Variants in ACRV1 observed in about 807,000 individuals in gnomAD.
ACRV1 encodes the protein acrosomal vesicle protein 1.
ACRV1 carries 17 observed loss-of-function variants against 29.2 expected under a neutral mutation model. That is an observed-to-expected ratio of 0.58 (90% CI 0.40 to 0.87). The LOEUF (loss-of-function observed/expected upper bound fraction) is 0.87, where lower values mean the gene tolerates loss of function less well. Ranked by LOEUF, ACRV1 falls within the 40% of genes least tolerant of loss-of-function variation. The pLI is 0.00. For missense variants in ACRV1, 294 were observed against 316.0 expected (o/e 0.93, Z 0.53); for synonymous variants, 98 against 111.6 (o/e 0.88, Z 0.77).
chr11:125,680,316 G>T (rs61214748), intron 1 of ACRV1, among the ~76,000 whole-genome samples: 11,864 of 152,168 alleles, frequency 0.078, 715 homozygotes, highest in African/African-American at 0.17. Context: ...TAGCTCTGTC[G>T]TGTTCTGAGG....
At position 125,678,161 on chromosome 11, in the gene ACRV1, G is replaced by A. The variant is rs775377936; in HGVS notation, c.189C>T (p.Asn63=). 1.1e-5 allele frequency: 17 copies of A among 1,614,086 alleles called. No homozygotes were observed. Among genetic ancestry groups the A allele is most frequent in the Non-Finnish European group, 1.3e-5 (15 of 1,180,044 alleles). Residue 63 remains asparagine, a synonymous_variant, in exon 2 of 4, where the codon AAC becomes AAT. Coordinates refer to ENST00000533904, the MANE Select transcript of ACRV1 (RefSeq NM_001612.6). ...EALYETSSGL[N]TLSEHGSSEH... is the part of the protein sequence containing the mutation. ...CACTGGAACCATGCTCACTTAAAGT[G>A]TTCAGGCCTGAAGAAGTCTCATATA...
At chr11:125,676,517 G>A in intron 2 of ACRV1, 39 bp from the exon 3 acceptor site, 1 of 1,612,634 alleles carries the variant, frequency 6.2e-7, no homozygotes, top group Non-Finnish European at 8.5e-7. Flanking sequence ...TTTCCTTGTG[G>A]ACCAGATGTG....
rs1555078665 is a variant in ACRV1, at chr11:125,678,978, T to TTATTTATATATATATATATATATA, written c.53-682_53-681insTATATATATATATATATATAAATA. On this transcript the variant is annotated intron_variant, in intron 1 of 3. Coordinates refer to ENST00000533904, the MANE Select transcript of ACRV1 (RefSeq NM_001612.6). The stretch of plus-strand genomic sequence containing the variant: ...GTAAAAAAAAAAAAGTCTAGGCATA[T>TTATTTATATATATATATATATATA]TATATATATATATATATATAGACAC... Among the ~76,000 whole-genome samples, 149 of 88,384 alleles carry TTATTTATATATATATATATATATA rather than the reference T, an allele frequency of 1.7e-3. 3 individuals are homozygous for TTATTTATATATATATATATATATA. The highest frequency in any genetic ancestry group is 1.8e-3 in the Non-Finnish European group (81 of 44,760). 58.0% of individuals were successfully genotyped at this position (88,384 alleles called of 152,430 possible).
rs1333597593 is a variant in ACRV1, at chr11:125,672,683, C to T, written c.708G>A (p.Glu236=). ...AGAGGTTCATAGATGGGCACATGTT[C>T]TCACACCCTTGAACCATGAATTGGA... ...GKLQFMVQGC[E]NMCPSMNLFS... is the part of the protein sequence containing the mutation. Residue 236 remains glutamate, a synonymous_variant, in exon 4 of 4, where the codon GAG becomes GAA. Transcript: ENST00000533904. The T allele has an allele frequency of 3.7e-6, 6 of 1,614,062 alleles. No individual in the cohort carries two copies. In the African/African-American group the frequency reaches 4.0e-5, roughly 11 times the overall value.
rs775377936 is a variant in ACRV1 at position 125,678,161 on chromosome 11, G to T, written c.189C>A (p.Asn63Lys). 1.2e-6 allele frequency: 2 copies of T among 1,614,086 alleles called. No individual in the cohort carries two copies. Among genetic ancestry groups the T allele is most frequent in the African/African-American group, 2.7e-5 (2 of 74,938 alleles). Residue 63 changes from asparagine to lysine, a missense_variant, in exon 2 of 4, where the codon AAC (asparagine) becomes AAA (lysine). Physicochemically the swap from Asn to Lys is moderately conservative, Grantham distance 94. Coordinates refer to ENST00000533904, the MANE Select transcript of ACRV1 (RefSeq NM_001612.6). ...EALYETSSGL[N>K]TLSEHGSSEH... ...CACTGGAACCATGCTCACTTAAAGT[G>T]TTCAGGCCTGAAGAAGTCTCATATA...
chr11:125,672,472 G>T lies in ACRV1; in HGVS notation c.*121C>A. ...AGATAGGATGTTTGAGCATCCTAATGCTCAGGCAGAGGCAGATGTGGTCAG... is the reference window on the plus strand; with the variant it reads ...AGATAGGATGTTTGAGCATCCTAATTCTCAGGCAGAGGCAGATGTGGTCAG... On this transcript the variant is annotated 3_prime_UTR_variant, in exon 4 of 4. Transcript: ENST00000533904. 8.5e-7 allele frequency: 1 copy of T among 1,179,310 alleles called. No homozygotes were observed. The highest frequency in any genetic ancestry group is 1.2e-6 in the Non-Finnish European group (1 of 833,328). 73.1% of individuals were successfully genotyped at this position (1,179,310 alleles called of 1,614,324 possible).
chr11:125,677,822 A>G lies in ACRV1; in HGVS notation c.528T>C (p.Gly176=). The change falls in exon 2 of 4, where the codon GGT becomes GGC. Residue 176 remains glycine (G), a synonymous_variant. Transcript: ENST00000533904. ...CTGTAGATGTGCTTGAAATTGGTGC[A>G]CCTGAAGCCTGTTCCCCTGAAGCGT... ...GEHASGEQAS[G]APISSTSTGT... is the part of the protein sequence containing the mutation. 1 of 1,614,132 alleles carries G rather than the reference A, an allele frequency of 6.2e-7. No homozygotes were observed. The highest frequency in any genetic ancestry group is 8.5e-7 in the Non-Finnish European group (1 of 1,179,996).
intron 2 of ACRV1, among the ~76,000 whole-genome samples, chr11:125,677,570 ATT>A (rs1363584786): frequency 1.3e-5 from 2 of 151,948 alleles, no homozygotes; most frequent in African/African-American, 4.8e-5. Flanking sequence ...GGCATTTTGT[ATT>A]TGTTTTATTT....
At chr11:125,679,334 C>T (rs915809428) in intron 1 of ACRV1, among the ~76,000 whole-genome samples, 2 of 150,700 alleles carry the variant, frequency 1.3e-5, no homozygotes, top group African/African-American at 4.9e-5. Flanking sequence ...CCTCCTGCCT[C>T]TGCCTCCCGA....
chr11:125,678,392 C>G (rs1025241921), intron 1 of ACRV1, 95 bp from the exon 2 acceptor site: 27 of 1,439,120 alleles, frequency 1.9e-5, no homozygotes, highest in Non-Finnish European at 2.5e-5. Flanking sequence ...TATGAGACTC[C>G]TAGGTTTCCT....
Position 125,678,282 on chromosome 11 carries a change from G to C in ACRV1, c.68C>G (p.Pro23Arg). 6.2e-7 allele frequency: 1 copy of C among 1,613,878 alleles called. No homozygotes were observed. Among genetic ancestry groups the C allele is most frequent in the Middle Eastern group, 1.6e-4 (1 of 6,062 alleles). Residue 23 changes from proline to arginine, a missense_variant, in exon 2 of 4, where the codon CCT becomes CGT. By Grantham distance (103) the Pro-to-Arg change is moderately radical (BLOSUM62 -2). Transcript: ENST00000533904. ...LGSARGTSSQ[P>R]NELSGSIDHQ... is the part of the protein sequence containing the mutation. ...ATCTATGGAGCCAGAAAGCTCATTAGGCTGACTTGATGTTCCTGGGATGGA... is the reference window on the plus strand; with the variant it reads ...ATCTATGGAGCCAGAAAGCTCATTACGCTGACTTGATGTTCCTGGGATGGA...
In ACRV1 at chr11:125,672,358, G is replaced by GA. The variant is rs201813703; in HGVS notation, c.*234dup. 2.8e-3 allele frequency: 1,319 copies of GA among 473,354 alleles called. 1 individual carries two copies. Among genetic ancestry groups the GA allele is most frequent in the African/African-American group, 9.5e-3 (477 of 50,156 alleles). The allele number at this position is 473,354 out of a possible 1,614,324, so 29.3% of individuals were successfully genotyped here. A position where few individuals can be genotyped will look rare whatever the true frequency, so the allele number is the denominator to read the frequency against. On this transcript the variant is annotated 3_prime_UTR_variant, in exon 4 of 4. Coordinates refer to ENST00000533904, the MANE Select transcript of ACRV1 (RefSeq NM_001612.6). ...GTGCTTTAACCATGTGAAATTTATT[G>GA]AAAAAAAAATCAGGAATATTGAGAG...
chr11:125,676,513 TG>T, intron 2 of ACRV1, 35 bp from the exon 3 acceptor site: 1 of 1,613,288 alleles, frequency 6.2e-7, no homozygotes, highest in Non-Finnish European at 8.5e-7. Flanking sequence ...GACATTTCCT[TG>T]TGGACCAGAT....
chr11:125,678,331 A>C (rs775634046), intron 1 of ACRV1, 34 bp from the exon 2 acceptor site: 1 of 1,601,396 alleles, frequency 6.2e-7, no homozygotes, highest in Non-Finnish European at 8.5e-7. Context: ...AGAGTTGGTG[A>C]AGCTGACAGA....
chr11:125,679,799 G>A (rs1942713914), intron 1 of ACRV1, among the ~76,000 whole-genome samples: 1 of 152,182 alleles, frequency 6.6e-6, no homozygotes, highest in Non-Finnish European at 1.5e-5. Flanking sequence ...TACAATCAGT[G>A]ACTTTCTAAA....
At chr11:125,675,369 C>CATA (rs150728914) in intron 3 of ACRV1, among the ~76,000 whole-genome samples, 11,988 of 152,198 alleles carry the variant, frequency 0.079, 559 homozygotes, top group African/African-American at 0.13. Context: ...TACATTATAA[C>CATA]ATAATCTCTT....
Position 125,678,395 on chromosome 11 carries a change from G to C in ACRV1, c.53-98C>G, listed in dbSNP as rs878912415. Reference sequence around the variant, plus strand: ...TTAGGCTAATGTTATGAGACTCCTAGGTTTCCTATGGGCCTAGATTGGGCA... The same window carrying C: ...TTAGGCTAATGTTATGAGACTCCTACGTTTCCTATGGGCCTAGATTGGGCA... On this transcript the variant is annotated intron_variant, in intron 1 of 3. Coordinates refer to ENST00000533904, the MANE Select transcript of ACRV1 (RefSeq NM_001612.6). 2.3e-5 allele frequency: 33 copies of C among 1,416,374 alleles called. 1 individual carries two copies. The South Asian group carries it at 4.6e-4, about 20-fold the overall frequency. The allele number at this position is 1,416,374 out of a possible 1,614,324, so 87.7% of individuals were successfully genotyped here. A position where few individuals can be genotyped will look rare whatever the true frequency, so the allele number is the denominator to read the frequency against.
In ACRV1 at chr11:125,674,826, A is replaced by G. The variant is rs530430816; in HGVS notation, c.673+1533T>C. ...AAATAAAGGAGAACTATTAAATTCA[A>G]ACTCTTTTTAACTGACACTGAAGCT... On this transcript the variant is annotated intron_variant, in intron 3 of 3. Coordinates refer to ENST00000533904, the MANE Select transcript of ACRV1 (RefSeq NM_001612.6). Among the ~76,000 whole-genome samples the G allele has an allele frequency of 3.3e-4, 50 of 152,334 alleles. No individual in the cohort carries two copies. In the South Asian group the frequency reaches 0.01, roughly 32 times the overall value.
Position 125,672,662 on chromosome 11 carries a change from G to C in ACRV1, c.729C>G (p.Asn243Lys). 6.2e-7 allele frequency: 1 copy of C among 1,614,154 alleles called. No individual in the cohort carries two copies. The highest frequency in any genetic ancestry group is 1.3e-5 in the African/African-American group (1 of 75,048). ...GCATCCTCGTTCCATGGGAGAAGAG[G>C]TTCATAGATGGGCACATGTTCTCAC... Reference protein sequence around the residue: ...QGCENMCPSMNLFSHGTRMQI... With the variant: ...QGCENMCPSMKLFSHGTRMQI... The change falls in exon 4 of 4, where the codon AAC becomes AAG. Residue 243 changes from asparagine to lysine, a missense_variant. By Grantham distance (94) the Asn-to-Lys change is moderately conservative (BLOSUM62 0). Transcript: ENST00000533904.
Sources: gnomAD v4.1 joint callset for allele counts (sites outside exome capture counted in the v4.1 genomes callset) on GRCh38, gnomAD v4.1.1 for gene constraint, MANE v1.5 for transcripts, NCBI Gene and HGNC (gene_info 2026-07-23, HGNC 2026-07-21) for gene names.